CDH12: variants seen among roughly 807,000 people sequenced by gnomAD.
The protein encoded by CDH12 is cadherin-12.
CDH12 carries 41 observed loss-of-function variants against 74.1 expected under a neutral mutation model. The ratio of observed to expected loss-of-function variants is 0.55; its 90% CI spans 0.43 to 0.72. The LOEUF is 0.72. CDH12 is among the 30% of genes least tolerant of loss of function. The pLI is 0.00. For missense variants in CDH12, 945 were observed against 977.2 expected, an observed-to-expected ratio of 0.97 and a Z score of 0.44; for synonymous variants, 399 against 355.0, an observed-to-expected ratio of 1.12 and a Z score of -1.39.
rs1754037458 is a variant in CDH12 at position 21,915,318 on chromosome 5, G to C, written c.526+59773C>G. 2.6e-5 allele frequency among the ~76,000 whole-genome samples: 4 copies of C among 152,076 alleles called. No homozygotes were observed. In the South Asian group the frequency reaches 8.3e-4, roughly 31 times the overall value. On this transcript the variant is annotated intron_variant, in intron 6 of 14. Coordinates refer to ENST00000382254, the MANE Select transcript of CDH12 (RefSeq NM_004061.5). Reference sequence around the variant, plus strand: ...ACTAATGGTTTTTTAGTAGTATGTAGAGAAGAAGGAAAGCATGAGAAAACA... The same window carrying C: ...ACTAATGGTTTTTTAGTAGTATGTACAGAAGAAGGAAAGCATGAGAAAACA...
intron 1 of CDH12, among the ~76,000 whole-genome samples, chr5:22,615,817 G>T (rs1449615279): frequency 6.6e-6 from 1 of 152,220 alleles, no homozygotes; most frequent in African/African-American, 2.4e-5. Context: ...ACCAGATAAT[G>T]AATGTATGGT....
At chr5:22,505,851 T>C (rs271098) in intron 1 of CDH12, among the ~76,000 whole-genome samples, 140,742 of 152,138 alleles carry the variant, frequency 0.93, 65,230 homozygotes, top group Admixed American at 0.97. Flanking sequence ...GTATTTCTCA[T>C]GATTAGACTG....
chr5:21,834,957 C>T (rs1749448473), intron 8 of CDH12, among the ~76,000 whole-genome samples: 1 of 151,718 alleles, frequency 6.6e-6, no homozygotes, highest in Non-Finnish European at 1.5e-5. Flanking sequence ...TTTTATTTTC[C>T]ATCTATTTAC....
intron 4 of CDH12, among the ~76,000 whole-genome samples, chr5:22,140,759 G>C (rs573875635): frequency 6.6e-6 from 1 of 152,160 alleles, no homozygotes; most frequent in East Asian, 1.9e-4. Context: ...TTGGATTTAG[G>C]ACACACAGGT....
At chr5:22,384,543 A>AG (rs1485381714) in intron 3 of CDH12, among the ~76,000 whole-genome samples, 10 of 149,692 alleles carry the variant, frequency 6.7e-5, no homozygotes, top group Admixed American at 2.0e-4. Flanking sequence ...AAAAAAAAGA[A>AG]AAAGAAAAAG....
intron 6 of CDH12, among the ~76,000 whole-genome samples, chr5:21,942,648 A>G (rs1561316718): frequency 6.6e-6 from 1 of 152,060 alleles, no homozygotes. Flanking sequence ...GTGTTTATAT[A>G]TGAGTATATA....
intron 2 of CDH12, among the ~76,000 whole-genome samples, chr5:22,419,577 C>T (rs1365323844): frequency 6.6e-6 from 1 of 152,002 alleles, no homozygotes; most frequent in African/African-American, 2.4e-5. Context: ...TGAATCCATG[C>T]CTTTGTTATT....
At chr5:22,047,355 G>GT (rs1043916348) in intron 5 of CDH12, among the ~76,000 whole-genome samples, 15 of 151,776 alleles carry the variant, frequency 9.9e-5, no homozygotes, top group African/African-American at 3.6e-4. Flanking sequence ...AGATCTTTTT[G>GT]TTTAATTTTG....
At chr5:22,326,927 CA>C (rs1739135297) in intron 3 of CDH12, among the ~76,000 whole-genome samples, 1 of 152,072 alleles carries the variant, frequency 6.6e-6, no homozygotes, top group African/African-American at 2.4e-5. Flanking sequence ...TGCTAGACAG[CA>C]AAAGCATTTA....
At position 21,847,298 on chromosome 5, in the gene CDH12, T is replaced by A. The variant is rs565038953; in HGVS notation, c.647-4970A>T. On this transcript the variant is annotated intron_variant, in intron 7 of 14. Coordinates refer to ENST00000382254, the MANE Select transcript of CDH12 (RefSeq NM_004061.5). ...CTTTAGATCTTTTTTAAAAGTCATC[T>A]TCATAGGACTGTGTTAGCCATTCTA... Among the ~76,000 whole-genome samples the A allele has an allele frequency of 4.6e-5, 7 of 152,280 alleles. No homozygotes were observed. In the East Asian group the frequency reaches 1.2e-3, roughly 25 times the overall value.
chr5:22,221,498 T>C (rs1261168248), intron 3 of CDH12, among the ~76,000 whole-genome samples: 1 of 151,954 alleles, frequency 6.6e-6, no homozygotes, highest in Non-Finnish European at 1.5e-5. Flanking sequence ...TCACATGGTG[T>C]TTTATTTTGC....
At chr5:22,836,812 T>C (rs1308951753) in intron 1 of CDH12, among the ~76,000 whole-genome samples, 5 of 152,196 alleles carry the variant, frequency 3.3e-5, no homozygotes, top group African/African-American at 1.2e-4. Flanking sequence ...ACTGTAACTA[T>C]TTCCACCATG....
chr5:21,971,581 G>A (rs2547613), intron 6 of CDH12, among the ~76,000 whole-genome samples: 2 of 152,020 alleles, frequency 1.3e-5, no homozygotes, highest in Non-Finnish European at 2.9e-5. Flanking sequence ...GCTCAAGCAG[G>A]GGAAGATAAT....
chr5:22,140,825 A>C (rs1746748653), intron 4 of CDH12, among the ~76,000 whole-genome samples: 1 of 152,094 alleles, frequency 6.6e-6, no homozygotes, highest in Non-Finnish European at 1.5e-5. Flanking sequence ...GGACATCTGC[A>C]TTCTAGTGCT....
chr5:22,085,445 G>A (rs978253312), intron 4 of CDH12, among the ~76,000 whole-genome samples: 1 of 152,232 alleles, frequency 6.6e-6, no homozygotes, highest in East Asian at 1.9e-4. Context: ...ATTAAAAGGT[G>A]TTCTCTATTA....
chr5:21,998,750 T>C (rs1158161695), intron 5 of CDH12, among the ~76,000 whole-genome samples: 9 of 152,108 alleles, frequency 5.9e-5, no homozygotes, highest in Non-Finnish European at 1.2e-4. Flanking sequence ...GTGTGTCATT[T>C]GAATGAGGGA....
chr5:21,986,777 A>G (rs1260220678), intron 5 of CDH12, among the ~76,000 whole-genome samples: 1 of 152,148 alleles, frequency 6.6e-6, no homozygotes, highest in Non-Finnish European at 1.5e-5. Context: ...ATACATTACT[A>G]TAGTTACATA....
At chr5:21,821,315 A>G (rs779636309) in intron 8 of CDH12, among the ~76,000 whole-genome samples, 39 of 152,022 alleles carry the variant, frequency 2.6e-4, no homozygotes, top group Non-Finnish European at 5.0e-4. Flanking sequence ...ACCAAAATAA[A>G]TATATTTACT....
chr5:22,069,025 G>A (rs916095508), intron 5 of CDH12, among the ~76,000 whole-genome samples: 5 of 152,152 alleles, frequency 3.3e-5, no homozygotes, highest in Non-Finnish European at 7.3e-5. Flanking sequence ...TTTCATCATG[G>A]AAGGAGCAGC....
Sources: allele counts gnomAD v4.1 joint callset (sites outside exome capture counted in the v4.1 genomes callset), GRCh38; gene constraint gnomAD v4.1.1; transcripts MANE v1.5; gene names NCBI Gene and HGNC (gene_info 2026-07-23, HGNC 2026-07-21).